The following LHX2 variants were observed in gnomAD, a reference collection of about 807,000 sequenced individuals.
The protein encoded by LHX2 is LIM/homeobox protein Lhx2.
Under a neutral mutation model 33.0 loss-of-function variants are expected in LHX2, and 6 were observed. That is an observed-to-expected ratio of 0.18 (90% CI 0.10 to 0.36). The LOEUF is 0.36. LHX2 is among the 10% of genes least tolerant of loss of function. The pLI is 1.00. For synonymous variants in LHX2, 292 were observed against 253.1 expected (o/e 1.15, Z -1.46); for missense variants, 442 against 586.2 (o/e 0.75, Z 2.54).
At chr9:124,030,753 T>C (rs1361602835) in intron 4 of LHX2, among the ~76,000 whole-genome samples, 1 of 149,264 alleles carries the variant, frequency 6.7e-6, no homozygotes, top group South Asian at 2.2e-4. Context: ...TGTCTCAGCC[T>C]CCCGAGTAGC....
At chr9:124,023,187 T>C (rs1398168956) in intron 4 of LHX2, among the ~76,000 whole-genome samples, 1 of 152,188 alleles carries the variant, frequency 6.6e-6, no homozygotes, top group African/African-American at 2.4e-5. Context: ...CCTTCGTCCT[T>C]CCCCAACCCA....
At chr9:124,018,189 C>T (rs1859226507) in intron 3 of LHX2, among the ~76,000 whole-genome samples, 1 of 152,042 alleles carries the variant, frequency 6.6e-6, no homozygotes, top group Admixed American at 6.5e-5. Flanking sequence ...AGCTCGAAAC[C>T]CGATGGGTTA....
Position 124,015,509 on chromosome 9 carries a change from G to A in LHX2, c.711G>A (p.Leu237=). The A allele has an allele frequency of 6.8e-7, 1 of 1,466,834 alleles. No individual in the cohort carries two copies. The highest frequency in any genetic ancestry group is 9.0e-7 in the Non-Finnish European group (1 of 1,109,026). The allele number at this position is 1,466,834 out of a possible 1,614,324, so 90.9% of individuals were successfully genotyped here. ...AGAGCCCGGGCCCCGGTGCGGATCTGGCGGCCTACAACGCTGGTGAGTGCG... is the reference window on the plus strand; with the variant it reads ...AGAGCCCGGGCCCCGGTGCGGATCTAGCGGCCTACAACGCTGGTGAGTGCG... ...KRKSPGPGAD[L]AAYNAALSCN... Residue 237 remains leucine (L), a synonymous_variant, in exon 3 of 5, where the codon CTG becomes CTA. Coordinates refer to ENST00000373615, the MANE Select transcript of LHX2 (RefSeq NM_004789.4). The surrounding 1 kb of genome is among the most constrained non-coding windows in gnomAD (Gnocchi z 7.9).
chr9:124,032,645 G>T lies in LHX2; in HGVS notation c.1159G>T (p.Gly387Cys). 6.2e-7 allele frequency: 1 copy of T among 1,613,822 alleles called. No homozygotes were observed. The highest frequency in any genetic ancestry group is 8.5e-7 in the Non-Finnish European group (1 of 1,179,824). ...GACGTCCGTCTTAACTTCTGTGCCTGGCAACCTGGAGGGCCATGAGCCTCA... is the reference window on the plus strand; with the variant it reads ...GACGTCCGTCTTAACTTCTGTGCCTTGCAACCTGGAGGGCCATGAGCCTCA... Reference protein sequence around the residue: ...TVTSVLTSVPGNLEGHEPHSP... With the variant: ...TVTSVLTSVPCNLEGHEPHSP... The change falls in exon 5 of 5, where the codon GGC becomes TGC. Residue 387 changes from glycine (G) to cysteine (C), a missense_variant. Transcript: ENST00000373615. The surrounding 1 kb of genome is among the most constrained non-coding windows in gnomAD (Gnocchi z 4.1).
At position 124,013,995 on chromosome 9, in the gene LHX2, T is replaced by C; in HGVS notation, c.155T>C (p.Leu52Pro). 6.2e-7 allele frequency: 1 copy of C among 1,613,348 alleles called. No homozygotes were observed. Among genetic ancestry groups the C allele is most frequent in the South Asian group, 1.1e-5 (1 of 91,076 alleles). Residue 52 changes from leucine (L) to proline (P), a missense_variant, in exon 2 of 5, where the codon CTG (leucine) becomes CCG (proline). Around this residue, in one of 5 missense-constraint regions of LHX2, gnomAD observed 97 missense variants for 81.5 expected, o/e 1.19. Transcript: ENST00000373615. ...TCCATCAGCAGTGACCGCGCCGCGCTGTGCGCCGGCTGCGGGGGCAAGATC... is the reference window on the plus strand; with the variant it reads ...TCCATCAGCAGTGACCGCGCCGCGCCGTGCGCCGGCTGCGGGGGCAAGATC... The part of the protein sequence containing the change: ...MPSISSDRAA[L>P]CAGCGGKISD...
intron 3 of LHX2, among the ~76,000 whole-genome samples, chr9:124,017,199 C>CT (rs1184939394): frequency 2.0e-5 from 3 of 152,194 alleles, no homozygotes; most frequent in South Asian, 2.1e-4. Context: ...CTCCCTCTCT[C>CT]TTTTTTTCCT....
At chr9:124,019,980 G>A (rs1294151175) in intron 3 of LHX2, among the ~76,000 whole-genome samples, 2 of 152,184 alleles carry the variant, frequency 1.3e-5, no homozygotes, top group Non-Finnish European at 2.9e-5. Flanking sequence ...GGCATTGGCA[G>A]CGTGGCCCCC....
intron 4 of LHX2, among the ~76,000 whole-genome samples, chr9:124,023,086 A>G (rs554548977): frequency 2.0e-5 from 3 of 152,290 alleles, no homozygotes; most frequent in African/African-American, 7.2e-5. Context: ...GGTTAGGTCA[A>G]GGACCCTCTT....
chr9:124,028,216 C>G (rs1828655844), intron 4 of LHX2, among the ~76,000 whole-genome samples: 1 of 152,126 alleles, frequency 6.6e-6, no homozygotes, highest in Non-Finnish European at 1.5e-5. Flanking sequence ...TCAGGTAGTG[C>G]CTGGGAAGGG....
intron 3 of LHX2, among the ~76,000 whole-genome samples, chr9:124,019,735 C>T (rs145062095): frequency 0.011 from 1,639 of 152,272 alleles, 28 homozygotes; most frequent in African/African-American, 0.038. Flanking sequence ...AGCTCTGTTA[C>T]GGGTATGTGA....
At chr9:124,022,800 T>C (rs1859315365) in intron 4 of LHX2, among the ~76,000 whole-genome samples, 1 of 151,502 alleles carries the variant, frequency 6.6e-6, no homozygotes, top group Admixed American at 6.6e-5. Context: ...GAGCCGGGAG[T>C]TGGGGCCCCT....
chr9:124,027,036 C>T (rs1397090067), intron 4 of LHX2, among the ~76,000 whole-genome samples: 1 of 152,136 alleles, frequency 6.6e-6, no homozygotes, highest in African/African-American at 2.4e-5. Flanking sequence ...ACAATTTGGC[C>T]TAAACCTCTC....
At chr9:124,021,022 G>A (rs1859282269) in intron 3 of LHX2, 77 bp from the exon 4 acceptor site, 1 of 1,326,356 alleles carries the variant, frequency 7.5e-7, no homozygotes. Context: ...ATGTTTGGCA[G>A]TGGGTGGGGC....
chr9:124,032,643 C>T lies in LHX2; in HGVS notation c.1157C>T (p.Pro386Leu). The T allele has an allele frequency of 6.2e-7, 1 of 1,613,968 alleles. No homozygotes were observed. Among genetic ancestry groups the T allele is most frequent in the Non-Finnish European group, 8.5e-7 (1 of 1,179,872 alleles). ...PTVTSVLTSV[P>L]GNLEGHEPHS... ...GTGACGTCCGTCTTAACTTCTGTGC[C>T]TGGCAACCTGGAGGGCCATGAGCCT... The change falls in exon 5 of 5, where the codon CCT becomes CTT. Residue 386 changes from proline (P) to leucine (L), a missense_variant. Pro to Leu is a moderately conservative substitution (Grantham distance 98). Around this residue, in one of 5 missense-constraint regions of LHX2, gnomAD observed 109 missense variants for 98.7 expected, o/e 1.10. Transcript: ENST00000373615. This position sits in a 1 kb window ranked among gnomAD's most constrained non-coding sequence, Gnocchi z 4.1.
chr9:124,021,116 AACG>A lies in LHX2; in HGVS notation c.749_751del (p.Asp250del), dbSNP rs1859285548. On this transcript the variant is annotated inframe_deletion, in exon 4 of 5. Coordinates refer to ENST00000373615, the MANE Select transcript of LHX2 (RefSeq NM_004789.4). ...CTCCCTAGCGCTAAGCTGCAACGAA[AACG>A]ACGCAGAGCACCTGGACCGTGACCA... 1 of 1,613,892 alleles carries A rather than the reference AACG, an allele frequency of 6.2e-7. No homozygotes were observed. The highest frequency in any genetic ancestry group is 8.5e-7 in the Non-Finnish European group (1 of 1,180,018).
rs1828719636 is a variant in LHX2, at chr9:124,032,831, A to G, written c.*124A>G. The G allele has an allele frequency of 2.7e-6, 3 of 1,129,472 alleles. No individual in the cohort carries two copies. In the African/African-American group the frequency reaches 4.8e-5, roughly 18 times the overall value. 70.0% of individuals were successfully genotyped at this position (1,129,472 alleles called of 1,614,324 possible). ...AACCACATTTTAGGATCTCGCCTGGAAACAGAGGTAAAAAAAAGAAGTGTG... is the reference window on the plus strand; with the variant it reads ...AACCACATTTTAGGATCTCGCCTGGGAACAGAGGTAAAAAAAAGAAGTGTG... On this transcript the variant is annotated 3_prime_UTR_variant, in exon 5 of 5. Coordinates refer to ENST00000373615, the MANE Select transcript of LHX2 (RefSeq NM_004789.4). This position sits in a 1 kb window ranked among gnomAD's most constrained non-coding sequence, Gnocchi z 4.1.
chr9:124,017,437 C>A (rs1228697752), intron 3 of LHX2, among the ~76,000 whole-genome samples: 1 of 152,210 alleles, frequency 6.6e-6, no homozygotes, highest in Non-Finnish European at 1.5e-5. Flanking sequence ...CTAGATCTGG[C>A]GTCCGCCCTT....
At chr9:124,027,213 A>G (rs1828638227) in intron 4 of LHX2, among the ~76,000 whole-genome samples, 7 of 152,222 alleles carry the variant, frequency 4.6e-5, no homozygotes. Flanking sequence ...TTTACAAAAT[A>G]CTAGAACTGC....
intron 4 of LHX2, among the ~76,000 whole-genome samples, chr9:124,030,757 G>A (rs1480449651): frequency 2.0e-5 from 3 of 149,184 alleles, no homozygotes; most frequent in Admixed American, 1.4e-4. Flanking sequence ...TCAGCCTCCC[G>A]AGTAGCTGAG....
Sources: gnomAD v4.1 joint callset for allele counts (sites outside exome capture counted in the v4.1 genomes callset) on GRCh38, gnomAD v4.1.1 for gene constraint, gnomAD v4.1.1 regional missense constraint, Gnocchi (gnomAD v3.1) non-coding constraint, MANE v1.5 for transcripts, NCBI Gene and HGNC (gene_info 2026-07-23, HGNC 2026-07-21) for gene names.